Variants in IL17RD observed in about 807,000 individuals in gnomAD.
IL17RD encodes interleukin-17 receptor D.
Under a neutral mutation model 80.5 loss-of-function variants are expected in IL17RD, and 52 were observed. The ratio of observed to expected loss-of-function variants is 0.65; its 90% CI spans 0.52 to 0.81. The LOEUF is 0.81. Ranked by LOEUF, IL17RD falls within the 40% of genes least tolerant of loss-of-function variation. The pLI, the probability that IL17RD is intolerant of heterozygous loss-of-function variation, is 0.00. For synonymous variants in IL17RD, 416 were observed against 391.8 expected (o/e 1.06, Z -0.73); for missense variants, 1,024 against 955.1 (o/e 1.07, Z -0.95).
At chr3:57,098,883 G>C (rs1418736414) in intron 11 of IL17RD, among the ~76,000 whole-genome samples, 1 of 152,226 alleles carries the variant, frequency 6.6e-6, no homozygotes, top group Non-Finnish European at 1.5e-5. Flanking sequence ...GGAAGCAACA[G>C]GTGGTAGAGA....
At chr3:57,105,806 G>A in intron 7 of IL17RD, 51 bp downstream of exon 7, 1 of 1,552,834 alleles carries the variant, frequency 6.4e-7, no homozygotes, top group Non-Finnish European at 8.8e-7. Flanking sequence ...CAGTGGCCTG[G>A]GGGTCGCTTT....
At chr3:57,127,245 T>TATAAAA (rs1707486672) in intron 1 of IL17RD, among the ~76,000 whole-genome samples, 1 of 86,810 alleles carries the variant, frequency 1.2e-5, no homozygotes, top group Non-Finnish European at 2.0e-5. Flanking sequence ...TATATAAATA[T>TATAAAA]ATATATAAAT....
rs1041786273 is a variant in IL17RD at position 57,112,960 on chromosome 3, G to T, written c.310+1732C>A. Among the ~76,000 whole-genome samples the T allele has an allele frequency of 2.0e-5, 3 of 152,208 alleles. No homozygotes were observed. In the East Asian group the frequency reaches 5.8e-4, roughly 29 times the overall value. On this transcript the variant is annotated intron_variant, in intron 3 of 12. Transcript: ENST00000296318. ...AGTTCTCTCTGAAAATGTACCATGTGTGTCTCTAACCATGAGGCAGTTCTC... is the reference window on the plus strand; with the variant it reads ...AGTTCTCTCTGAAAATGTACCATGTTTGTCTCTAACCATGAGGCAGTTCTC...
chr3:57,120,714 A>T (rs1013534419), intron 1 of IL17RD, among the ~76,000 whole-genome samples: 2 of 152,186 alleles, frequency 1.3e-5, no homozygotes, highest in East Asian at 3.8e-4. Context: ...CCTCATCCGC[A>T]AGCTCTATTA....
Position 57,120,238 on chromosome 3 carries a change from A to C in IL17RD, c.184+18T>G. On this transcript the variant is annotated intron_variant, in intron 2 of 12. Transcript: ENST00000296318. ...ACTCAAAGGGCTCCATTCTTCAGCA[A>C]TAAAGGCGGTTACTTACTGTCATAT... The C allele has an allele frequency of 6.3e-7, 1 of 1,594,486 alleles. No homozygotes were observed. Among genetic ancestry groups the C allele is most frequent in the Non-Finnish European group, 8.6e-7 (1 of 1,162,030 alleles).
chr3:57,135,272 G>A (rs1707702012), intron 1 of IL17RD, among the ~76,000 whole-genome samples: 1 of 152,220 alleles, frequency 6.6e-6, no homozygotes, highest in African/African-American at 2.4e-5. Flanking sequence ...CAAAGGCACA[G>A]CAGGTTCAGA....
rs142821288 is a variant in IL17RD at position 57,111,809 on chromosome 3, A to AT, written c.311-1499_311-1498insA. ...CTGTCTCTGCTAAAAATACAAAAAA[A>AT]AAATCAGCTGGGCACAGTGGTGGGC... On this transcript the variant is annotated intron_variant, in intron 3 of 12. Coordinates refer to ENST00000296318, the MANE Select transcript of IL17RD (RefSeq NM_017563.5). Among the ~76,000 whole-genome samples, 474 of 151,554 alleles carry AT rather than the reference A, an allele frequency of 3.1e-3. 1 individual carries two copies. The highest frequency in any genetic ancestry group is 5.0e-3 in the Non-Finnish European group (336 of 67,824).
rs564069352 is a variant in IL17RD at position 57,152,392 on chromosome 3, C to T, written c.126+12769G>A. ...AATGAAAAGCAAAGTTGAATCTCTG[C>T]GGACCATTCTCTGGATGCTGAATGT... On this transcript the variant is annotated intron_variant, in intron 1 of 12. Transcript: ENST00000296318. 9.2e-5 allele frequency among the ~76,000 whole-genome samples: 14 copies of T among 152,328 alleles called. 1 individual carries two copies. The highest frequency in any genetic ancestry group is 3.1e-4 in the African/African-American group (13 of 41,574).
chr3:57,155,596 AT>A lies in IL17RD; in HGVS notation c.126+9564del, dbSNP rs879374710. On this transcript the variant is annotated intron_variant, in intron 1 of 12. Coordinates refer to ENST00000296318, the MANE Select transcript of IL17RD (RefSeq NM_017563.5). ...TGTTAAGAAAGCAATTTCAGAGGAA[AT>A]TTTTTTTTTTTGAGACGGAGTCTCG... 1.7e-3 allele frequency among the ~76,000 whole-genome samples: 256 copies of A among 148,838 alleles called. 3 individuals carry two copies. The highest frequency in any genetic ancestry group is 1.4e-3 in the East Asian group (7 of 5,126).
In IL17RD at chr3:57,097,780, G is replaced by A. The variant is rs752984107; in HGVS notation, c.1923C>T (p.Ala641=). ...CCGTGTGCAGCAGGGGTTGCAGGGC[G>A]GCGCTACCGTCAAGGGCAGGCCGGG... is the stretch of plus-strand genomic sequence containing the variant. The part of the protein sequence containing the change: ...GEARPALDGS[A]ALQPLLHTVK... The change falls in exon 12 of 13, where the codon GCC becomes GCT. Residue 641 remains alanine (A), a synonymous_variant. Transcript: ENST00000296318. 4 of 1,602,840 alleles carry A rather than the reference G, an allele frequency of 2.5e-6. No individual in the cohort carries two copies. The highest frequency in any genetic ancestry group is 2.2e-5 in the South Asian group (2 of 89,006).
chr3:57,130,225 A>T (rs770006542), intron 1 of IL17RD, among the ~76,000 whole-genome samples: 16 of 152,300 alleles, frequency 1.1e-4, no homozygotes, highest in Non-Finnish European at 2.2e-4. Context: ...AAGGCCACCC[A>T]AGGGCCTCTG....
At chr3:57,122,711 C>T (rs1359227320) in intron 1 of IL17RD, among the ~76,000 whole-genome samples, 4 of 151,292 alleles carry the variant, frequency 2.6e-5, no homozygotes, top group Admixed American at 6.6e-5. Flanking sequence ...CGCTGCTCTA[C>T]ACCACTGGGT....
chr3:57,112,862 A>G (rs1707129966), intron 3 of IL17RD, among the ~76,000 whole-genome samples: 1 of 152,208 alleles, frequency 6.6e-6, no homozygotes, highest in Non-Finnish European at 1.5e-5. Context: ...TTGTAACATC[A>G]GGTGGCAGTG....
chr3:57,139,261 G>A (rs887380309), intron 1 of IL17RD, among the ~76,000 whole-genome samples: 7 of 152,138 alleles, frequency 4.6e-5, no homozygotes, highest in African/African-American at 1.7e-4. Context: ...GATTGAAAAA[G>A]TGAGTTTGGC....
At chr3:57,142,835 G>A (rs776195543) in intron 1 of IL17RD, among the ~76,000 whole-genome samples, 2 of 151,770 alleles carry the variant, frequency 1.3e-5, no homozygotes, top group Admixed American at 1.3e-4. Flanking sequence ...TGTCAACATC[G>A]CATCCCAGTT....
At chr3:57,133,444 C>T (rs540684037) in intron 1 of IL17RD, among the ~76,000 whole-genome samples, 2 of 152,248 alleles carry the variant, frequency 1.3e-5, no homozygotes, top group East Asian at 1.9e-4. Flanking sequence ...CAATGACATA[C>T]CAATTAAATC....
chr3:57,128,940 T>C (rs1346662725), intron 1 of IL17RD, among the ~76,000 whole-genome samples: 3 of 152,204 alleles, frequency 2.0e-5, no homozygotes, highest in South Asian at 2.1e-4. Flanking sequence ...TGTTCTCCCA[T>C]GGCTGATAAT....
At chr3:57,160,312 G>GAAA (rs58416765) in intron 1 of IL17RD, among the ~76,000 whole-genome samples, 50 of 145,850 alleles carry the variant, frequency 3.4e-4, no homozygotes, top group African/African-American at 1.2e-3. Context: ...CTTTAAAAAA[G>GAAA]AAAAAAAAAA....
rs777059993 is a variant in IL17RD at position 57,101,280 on chromosome 3, G to A, written c.1063C>T (p.Arg355Trp). 15 of 1,613,106 alleles carry A rather than the reference G, an allele frequency of 9.3e-6. No individual in the cohort carries two copies. The highest frequency in any genetic ancestry group is 6.6e-5 in the South Asian group (6 of 90,978). ...GAATAGCAGAGAAAGACCTTCGGCC[G>A]CGGCCGGAGCCTCTCTCTTGGGAGT... ...AALPRERLRP[R>W]PKVFLCYSSK... Residue 355 changes from arginine to tryptophan, a missense_variant, in exon 11 of 13, where the codon CGG becomes TGG. Coordinates refer to ENST00000296318, the MANE Select transcript of IL17RD (RefSeq NM_017563.5).
Sources: gnomAD v4.1 joint callset for allele counts (sites outside exome capture counted in the v4.1 genomes callset) on GRCh38, gnomAD v4.1.1 for gene constraint, MANE v1.5 for transcripts, NCBI Gene and HGNC (gene_info 2026-07-23, HGNC 2026-07-21) for gene names.